Variants in RGS3 observed in about 807,000 individuals in gnomAD.
RGS3 encodes the protein regulator of G-protein signalling 3.
RGS3 carries 80 observed loss-of-function variants against 132.6 expected under a neutral mutation model. The observed-to-expected ratio is 0.60, with a 90% CI of 0.50 to 0.73. RGS3 has a LOEUF of 0.73. Ranked by LOEUF, RGS3 falls within the 30% of genes least tolerant of loss-of-function variation. RGS3 has a pLI of 0.00. For synonymous variants in RGS3, 598 were observed against 620.6 expected, an observed-to-expected ratio of 0.96 and a Z score of 0.54; for missense variants, 1,382 against 1,530.8, an observed-to-expected ratio of 0.90 and a Z score of 1.62.
chr9:113,587,018 G>A (rs10981835), intron 20 of RGS3, among the ~76,000 whole-genome samples: 18,723 of 152,182 alleles, frequency 0.12, 1,301 homozygotes, highest in Non-Finnish European at 0.15. Flanking sequence ...GCCGCCATTC[G>A]AAGTACCACC....
At chr9:113,512,343 G>C (rs1184800547) in intron 14 of RGS3, among the ~76,000 whole-genome samples, 1 of 152,162 alleles carries the variant, frequency 6.6e-6, no homozygotes, top group Non-Finnish European at 1.5e-5. Context: ...CATCTTCCTT[G>C]TATCTGTTCC....
chr9:113,505,783 A>G (rs1442324031), intron 11 of RGS3, among the ~76,000 whole-genome samples: 2 of 152,186 alleles, frequency 1.3e-5, no homozygotes, highest in African/African-American at 2.4e-5. Flanking sequence ...CAGGAACTAA[A>G]CCTATATTTT....
At chr9:113,512,316 G>C (rs1004824312) in intron 14 of RGS3, among the ~76,000 whole-genome samples, 8 of 152,176 alleles carry the variant, frequency 5.3e-5, no homozygotes, top group Non-Finnish European at 4.4e-5. Context: ...GGCCAGATCA[G>C]ACAAGGAGCT....
chr9:113,580,986 T>C (rs1188963047), intron 19 of RGS3: 1 of 981,862 alleles, frequency 1.0e-6, no homozygotes, highest in Non-Finnish European at 1.2e-6. Context: ...CCTTCCGTCT[T>C]TCCCCAAGGA....
chr9:113,526,872 C>T (rs1832236077), intron 17 of RGS3, among the ~76,000 whole-genome samples: 2 of 152,182 alleles, frequency 1.3e-5, no homozygotes. Context: ...TGCTGCCCTT[C>T]TCCTCCCTCC....
intron 19 of RGS3, chr9:113,582,231 G>A (rs911779612): frequency 1.0e-6 from 1 of 984,600 alleles, no homozygotes; most frequent in Non-Finnish European, 1.2e-6. Flanking sequence ...CAGGGCAGCT[G>A]TACAATAGTG....
chr9:113,555,163 C>T (rs1225200288), intron 19 of RGS3, among the ~76,000 whole-genome samples: 3 of 152,214 alleles, frequency 2.0e-5, no homozygotes, highest in Non-Finnish European at 4.4e-5. Context: ...TCTATTCCTA[C>T]ATCAGGTTAG....
chr9:113,536,540 G>A, intron 18 of RGS3: 4 of 1,274,832 alleles, frequency 3.1e-6, no homozygotes, highest in Non-Finnish European at 4.0e-6. Flanking sequence ...CCTCTGCTGT[G>A]TTGGGAGCCA....
intron 3 of RGS3, among the ~76,000 whole-genome samples, chr9:113,476,538 G>A (rs1829999483): frequency 1.3e-5 from 2 of 152,202 alleles, no homozygotes; most frequent in Non-Finnish European, 2.9e-5. Context: ...TTTCTCTGCT[G>A]TAACAGGGTA....
chr9:113,568,943 G>A lies in RGS3; in HGVS notation c.2038-14507G>A, dbSNP rs542576355. Among the ~76,000 whole-genome samples, 12 of 152,316 alleles carry A rather than the reference G, an allele frequency of 7.9e-5. No homozygotes were observed. The South Asian group carries it at 1.7e-3, about 21-fold the overall frequency. ...AGCCTCTTGGGAGATCAGAGCTTCC[G>A]GGCACAGATGAGAGGGAAGAGGGTC... On this transcript the variant is annotated intron_variant, in intron 19 of 24. Transcript: ENST00000350696.
chr9:113,583,620 C>A (rs1834937759), exon 20 of RGS3: 2 of 1,614,052 alleles, frequency 1.2e-6, no homozygotes, highest in African/African-American at 2.7e-5. Flanking sequence ...AACCCGCTCC[C>A]AGCCAAGAAC....
At chr9:113,568,781 G>A (rs1314519302) in intron 19 of RGS3, among the ~76,000 whole-genome samples, 1 of 152,254 alleles carries the variant, frequency 6.6e-6, no homozygotes, top group African/African-American at 2.4e-5. Flanking sequence ...GCCTGGAGAA[G>A]CTGGAGCCAC....
At chr9:113,586,410 G>A (rs936929438) in intron 20 of RGS3, among the ~76,000 whole-genome samples, 1 of 152,180 alleles carries the variant, frequency 6.6e-6, no homozygotes, top group African/African-American at 2.4e-5. Flanking sequence ...AGTTGACCTC[G>A]GCTCCTATTT....
chr9:113,523,275 G>A (rs1024066572), intron 17 of RGS3, among the ~76,000 whole-genome samples: 1 of 152,204 alleles, frequency 6.6e-6, no homozygotes, highest in African/African-American at 2.4e-5. Flanking sequence ...TTTCCAGAGA[G>A]GCTGTGGAGT....
chr9:113,524,207 A>C (rs1588199950), intron 17 of RGS3, among the ~76,000 whole-genome samples: 1 of 151,012 alleles, frequency 6.6e-6, no homozygotes, highest in African/African-American at 2.4e-5. Context: ...TCCTCTCCAT[A>C]CCCCCAGCCC....
chr9:113,510,851 A>C lies in RGS3; in HGVS notation c.1477+2271A>C, dbSNP rs1564507824. Among the ~76,000 whole-genome samples, 3 of 152,194 alleles carry C rather than the reference A, an allele frequency of 2.0e-5. No individual in the cohort carries two copies. The East Asian group carries it at 5.8e-4, about 29-fold the overall frequency. On this transcript the variant is annotated intron_variant, in intron 14 of 24. Coordinates refer to ENST00000350696, the Ensembl canonical transcript of RGS3. ...AATAAATCTTCACTCTTTACCAGGG[A>C]TCAAGTCTTTGTAGCTCACAATTTT...
At chr9:113,445,181 T>C (rs1254116109) in intron 1 of RGS3, among the ~76,000 whole-genome samples, 1 of 151,440 alleles carries the variant, frequency 6.6e-6, no homozygotes, top group African/African-American at 2.4e-5. Context: ...ACCATAATTT[T>C]CTTTTTCTTT....
chr9:113,531,940 G>T (rs923650299), intron 18 of RGS3, among the ~76,000 whole-genome samples: 3 of 152,224 alleles, frequency 2.0e-5, no homozygotes, highest in African/African-American at 7.2e-5. Context: ...CAAAGATACA[G>T]TTAATTCAGG....
chr9:113,539,800 A>G (rs897634836), intron 19 of RGS3, among the ~76,000 whole-genome samples: 2 of 152,208 alleles, frequency 1.3e-5, no homozygotes, highest in African/African-American at 4.8e-5. Flanking sequence ...ACAAAACGTA[A>G]TAAGTGCAAT....
Sources: allele counts gnomAD v4.1 joint callset (sites outside exome capture counted in the v4.1 genomes callset), GRCh38; gene constraint gnomAD v4.1.1; transcripts MANE v1.5; gene names NCBI Gene and HGNC (gene_info 2026-07-23, HGNC 2026-07-21).